TEX14: variants seen among roughly 807,000 people sequenced by gnomAD.
The protein encoded by TEX14 is inactive serine/threonine-protein kinase TEX14.
A neutral mutation model predicts 178.6 loss-of-function variants in TEX14; 168 were observed. The observed-to-expected ratio is 0.94, with a 90% CI of 0.83 to 1.07. TEX14 has a LOEUF of 1.07. Ranked by LOEUF, TEX14 falls within the 50% of genes least tolerant of loss-of-function variation. TEX14 has a pLI of 0.00. For synonymous variants in TEX14, 626 were observed against 634.1 expected (o/e 0.99, Z 0.19); for missense variants, 1,730 against 1,753.6 (o/e 0.99, Z 0.24).
At chr17:58,657,442 C>T (rs138986742) in intron 1 of TEX14, among the ~76,000 whole-genome samples, 1 of 147,110 alleles carries the variant, frequency 6.8e-6, no homozygotes, top group East Asian at 2.0e-4. Flanking sequence ...AGGGGAATAA[C>T]TGGTGTTTGT....
At position 58,622,911 on chromosome 17, in the gene TEX14, T is replaced by G; in HGVS notation, c.353A>C (p.His118Pro). 1.2e-6 allele frequency: 2 copies of G among 1,613,452 alleles called. No homozygotes were observed. The highest frequency in any genetic ancestry group is 1.7e-6 in the Non-Finnish European group (2 of 1,179,452). Residue 118 changes from histidine to proline, a missense_variant, in exon 4 of 32, where the codon CAC (histidine) becomes CCC (proline). This residue lies in a region of TEX14 where 789 missense variants were observed against 681.2 expected (regional missense o/e 1.16). Coordinates refer to ENST00000349033, the MANE Select transcript of TEX14 (RefSeq NM_031272.5). ...LLDAGGDLRL[H>P]DERGQNPKTW... ...CTTCGGGTTTTGACCCCTCTCATCG[T>G]GGAGTCGCAGGTCACCTCCTGCATC...
At chr17:58,661,317 C>T (rs1206719613) in intron 1 of TEX14, 1 of 856,684 alleles carries the variant, frequency 1.2e-6, no homozygotes, top group Non-Finnish European at 2.1e-6. Context: ...CGGGGGTTGA[C>T]TTGTTTCATG....
intron 2 of TEX14, among the ~76,000 whole-genome samples, chr17:58,642,870 C>A (rs1459463793): frequency 6.6e-6 from 1 of 152,150 alleles, no homozygotes; most frequent in Non-Finnish European, 1.5e-5. Flanking sequence ...GTTCATGTCA[C>A]CTCTTCTTGA....
chr17:58,613,653 G>C, intron 8 of TEX14, 109 bp from the exon 9 acceptor site: 1 of 1,201,286 alleles, frequency 8.3e-7, no homozygotes, highest in Non-Finnish European at 1.2e-6. Flanking sequence ...TGTATACGAT[G>C]TTTTCTTTTC....
intron 1 of TEX14, among the ~76,000 whole-genome samples, chr17:58,660,089 G>GT (rs1398750245): frequency 1.3e-5 from 2 of 151,060 alleles, no homozygotes; most frequent in African/African-American, 2.4e-5. Flanking sequence ...CATCATCTAG[G>GT]GTACAAATAC....
chr17:58,661,817 CTG>C (rs1271988783), intron 1 of TEX14: 2 of 487,128 alleles, frequency 4.1e-6, no homozygotes, highest in Non-Finnish European at 7.2e-6. Context: ...CTTTGTCTCT[CTG>C]TTTCCGTTTC....
chr17:58,614,503 A>C (rs2045825168), intron 8 of TEX14, among the ~76,000 whole-genome samples: 1 of 152,144 alleles, frequency 6.6e-6, no homozygotes, highest in Non-Finnish European at 1.5e-5. Context: ...CTCCCCGCAA[A>C]AAAAATAGGA....
intron 1 of TEX14, chr17:58,659,442 T>C (rs569317935): frequency 9.8e-6 from 4 of 406,236 alleles, no homozygotes; most frequent in Non-Finnish European, 1.3e-5. Context: ...GACTACACCT[T>C]CTTTGGTATT....
At chr17:58,638,791 C>T (rs377638570) in intron 2 of TEX14, among the ~76,000 whole-genome samples, 3 of 151,824 alleles carry the variant, frequency 2.0e-5, no homozygotes, top group Non-Finnish European at 2.9e-5. Context: ...CCTCCTGCCC[C>T]GGCCTCCCAA....
chr17:58,613,619 A>T, intron 8 of TEX14, 75 bp from the exon 9 acceptor site: 1 of 1,454,194 alleles, frequency 6.9e-7, no homozygotes, highest in Non-Finnish European at 9.5e-7. Context: ...AGGCCTTTTG[A>T]ACACATTCTA....
chr17:58,650,924 G>A (rs2046826836), intron 2 of TEX14, among the ~76,000 whole-genome samples: 1 of 152,178 alleles, frequency 6.6e-6, no homozygotes. Flanking sequence ...AGTTTCAGAA[G>A]CCTCCCCTTC....
At chr17:58,599,783 TC>T in intron 13 of TEX14, 117 bp from the exon 14 acceptor site, 1 of 777,704 alleles carries the variant, frequency 1.3e-6, no homozygotes, top group Non-Finnish European at 2.0e-6. Context: ...TTTTTTATTT[TC>T]CCACCCCCTT....
chr17:58,650,129 C>T (rs1384222095), intron 2 of TEX14, among the ~76,000 whole-genome samples: 2 of 152,094 alleles, frequency 1.3e-5, no homozygotes, highest in Admixed American at 1.3e-4. Context: ...GTGATCTAGG[C>T]TCACTGCAAC....
chr17:58,605,075 T>C lies in TEX14; in HGVS notation c.1239A>G (p.Leu413=), dbSNP rs769081426. 7 of 1,614,220 alleles carry C rather than the reference T, an allele frequency of 4.3e-6. No individual in the cohort carries two copies. Among genetic ancestry groups the C allele is most frequent in the African/African-American group, 1.3e-5 (1 of 75,064 alleles). The change falls in exon 11 of 32, where the codon CTA becomes CTG. Residue 413 remains leucine, a synonymous_variant. Coordinates refer to ENST00000349033, the MANE Select transcript of TEX14 (RefSeq NM_031272.5). ...TCACTTCTGGTGCGGCCCAGTTGTA[T>C]AGCTGCGTAGGAAGGGGCACTCGAG... The part of the protein sequence containing the change: ...DLTRVPLPTQ[L]YNWAAPEVIL...
At chr17:58,679,863 A>C (rs1017981039) in intron 1 of TEX14, among the ~76,000 whole-genome samples, 1 of 152,172 alleles carries the variant, frequency 6.6e-6, no homozygotes, top group Non-Finnish European at 1.5e-5. Context: ...ATCTTAAGAA[A>C]TATAAGCCTA....
At chr17:58,612,024 A>G (rs1397306573) in intron 9 of TEX14, among the ~76,000 whole-genome samples, 2 of 152,122 alleles carry the variant, frequency 1.3e-5, no homozygotes, top group Non-Finnish European at 2.9e-5. Flanking sequence ...AAAGTCATGG[A>G]GGAAAAAAAC....
At chr17:58,561,692 T>C (rs576265032) in intron 28 of TEX14, 80 bp from the exon 29 acceptor site, 2 of 928,524 alleles carry the variant, frequency 2.2e-6, no homozygotes, top group East Asian at 4.8e-5. Context: ...CACTTTAGAG[T>C]AGAAAGGGAC....
In TEX14 at chr17:58,659,215, A is replaced by T. The variant is rs76952814; in HGVS notation, c.-1-7213T>A. The T allele has an allele frequency of 2.5e-3, 673 of 265,658 alleles. 4 individuals carry two copies. The highest frequency in any genetic ancestry group is 0.016 in the African/African-American group (622 of 38,260). 16.5% of individuals were successfully genotyped at this position (265,658 alleles called of 1,614,324 possible). A position where few individuals can be genotyped will look rare whatever the true frequency, so the allele number is the denominator to read the frequency against. On this transcript the variant is annotated intron_variant, in intron 1 of 31. Transcript: ENST00000349033. ...TGCAGCCGAGTTTTCTCATTCGGGG[A>T]AATCGCGGGAGCAAACACATAGTAA...
chr17:58,660,545 G>A (rs1375274574), intron 1 of TEX14: 1 of 769,348 alleles, frequency 1.3e-6, no homozygotes, highest in South Asian at 1.4e-5. Context: ...GGGAAGGTGT[G>A]CACCCTGCAG....
Sources: gnomAD v4.1 joint callset for allele counts (sites outside exome capture counted in the v4.1 genomes callset) on GRCh38, gnomAD v4.1.1 for gene constraint, gnomAD v4.1.1 regional missense constraint, MANE v1.5 for transcripts, NCBI Gene and HGNC (gene_info 2026-07-23, HGNC 2026-07-21) for gene names.